The following KIAA1217 variants were observed in gnomAD, a reference collection of about 807,000 sequenced individuals.
The protein encoded by KIAA1217 is KIAA1217, also known as sickle tail protein homolog.
KIAA1217 carries 88 observed loss-of-function variants against 163.9 expected under a neutral mutation model. That is an observed-to-expected ratio of 0.54 (90% CI 0.45 to 0.64). KIAA1217 has a LOEUF of 0.64. Ranked by LOEUF, KIAA1217 falls within the 30% of genes least tolerant of loss-of-function variation. The pLI is 0.00. For synonymous variants in KIAA1217, 903 were observed against 923.1 expected (o/e 0.98, Z 0.39); for missense variants, 2,372 against 2,475.0 (o/e 0.96, Z 0.88).
intron 1 of KIAA1217, among the ~76,000 whole-genome samples, chr10:23,804,159 T>A (rs1238918904): frequency 6.6e-6 from 1 of 151,690 alleles, no homozygotes; most frequent in East Asian, 1.9e-4. Context: ...CAACCAGCAC[T>A]TTTTTTTTCT....
At chr10:24,520,864 A>T (rs1340838157) in intron 11 of KIAA1217, among the ~76,000 whole-genome samples, 1 of 147,358 alleles carries the variant, frequency 6.8e-6, no homozygotes, top group African/African-American at 2.5e-5. Context: ...CAAAAAATAA[A>T]AATAAAAAAC....
chr10:24,407,291 C>T (rs897159492), intron 3 of KIAA1217, among the ~76,000 whole-genome samples: 3 of 149,914 alleles, frequency 2.0e-5, no homozygotes, highest in African/African-American at 4.9e-5. Context: ...TGTGTGCGTG[C>T]GTGTGCGTGC....
At chr10:24,000,797 A>G (rs1846705234) in intron 1 of KIAA1217, among the ~76,000 whole-genome samples, 1 of 152,344 alleles carries the variant, frequency 6.6e-6, no homozygotes, top group South Asian at 2.1e-4. Context: ...CCTTGTCTAC[A>G]AATTGGGGCT....
At chr10:24,370,639 A>G (rs778395405) in intron 2 of KIAA1217, among the ~76,000 whole-genome samples, 4 of 152,178 alleles carry the variant, frequency 2.6e-5, no homozygotes, top group Non-Finnish European at 4.4e-5. Flanking sequence ...GTACAGTGGC[A>G]TGATCACTGC....
At chr10:23,771,428 T>C (rs976662554) in intron 1 of KIAA1217, among the ~76,000 whole-genome samples, 8 of 152,232 alleles carry the variant, frequency 5.3e-5, no homozygotes, top group Admixed American at 2.0e-4. Context: ...ATTATTTTGC[T>C]CTCTCAAAAC....
chr10:24,443,136 C>T (rs974649907), intron 5 of KIAA1217, among the ~76,000 whole-genome samples: 6 of 152,272 alleles, frequency 3.9e-5, no homozygotes, highest in Admixed American at 6.5e-5. Context: ...GTCTCAAACT[C>T]CTGACCTCAG....
chr10:24,233,758 A>G (rs2071782576), intron 2 of KIAA1217, among the ~76,000 whole-genome samples: 1 of 152,364 alleles, frequency 6.6e-6, no homozygotes, highest in Non-Finnish European at 1.5e-5. Context: ...TATTCTATGC[A>G]CATACATACG....
intron 2 of KIAA1217, among the ~76,000 whole-genome samples, chr10:24,062,968 C>A (rs552836236): frequency 3.3e-5 from 5 of 151,882 alleles, no homozygotes; most frequent in Non-Finnish European, 7.4e-5. Context: ...ATATCCTTCG[C>A]CCACTTTTCG....
intron 2 of KIAA1217, among the ~76,000 whole-genome samples, chr10:24,157,426 TC>T (rs1428611811): frequency 6.6e-6 from 1 of 152,204 alleles, no homozygotes; most frequent in Non-Finnish European, 1.5e-5. Flanking sequence ...GCAAAGAACT[TC>T]CCCCAGTCTC....
At chr10:24,092,840 C>CTTTGTA (rs1424578355) in intron 2 of KIAA1217, among the ~76,000 whole-genome samples, 1 of 151,338 alleles carries the variant, frequency 6.6e-6, no homozygotes, top group Non-Finnish European at 1.5e-5. Flanking sequence ...ATAGCCAACT[C>CTTTGTA]TTTGTATTTG....
In KIAA1217 at chr10:24,433,160, G is replaced by T; in HGVS notation, c.719G>T (p.Ser240Ile). The change falls in exon 4 of 21, where the codon AGC becomes ATC. Residue 240 changes from serine to isoleucine, a missense_variant. Ser to Ile is a moderately radical substitution (Grantham distance 142). Coordinates refer to ENST00000376454, the MANE Select transcript of KIAA1217 (RefSeq NM_019590.5). Reference protein sequence around the residue: ...PSVAIYIKDESRNVYYELNDV... With the variant: ...PSVAIYIKDEIRNVYYELNDV... ...GTCGCCATTTACATCAAAGATGAAA[G>T]CAGAAATGTCTATTATGAATTAAAT... 1 of 1,613,952 alleles carries T rather than the reference G, an allele frequency of 6.2e-7. No homozygotes were observed.
chr10:24,111,688 C>T (rs1336647394), intron 2 of KIAA1217, among the ~76,000 whole-genome samples: 3 of 150,446 alleles, frequency 2.0e-5, no homozygotes, highest in African/African-American at 7.4e-5. Flanking sequence ...TGTCTGCAGG[C>T]AGAAAAAAAA....
rs765197267 is a variant in KIAA1217 at position 24,544,139 on chromosome 10, C to T, written c.4869C>T (p.Phe1623=). ...AACAGCACAAAGAAGCCAAGCGCTT[C>T]GAAATCGCTAGGTCTCAACCTGAAG... ...TLKQHKEAKR[F]EIARSQPEDT... The change falls in exon 19 of 21, where the codon TTC becomes TTT. Residue 1623 remains phenylalanine, a synonymous_variant. Transcript: ENST00000376454. 22 of 1,613,926 alleles carry T rather than the reference C, an allele frequency of 1.4e-5. No individual in the cohort carries two copies. The Middle Eastern group carries it at 6.6e-4, about 48-fold the overall frequency.
In KIAA1217 at chr10:24,308,999, T is replaced by C. The variant is rs1041348218; in HGVS notation, c.355-71870T>C. 7.2e-5 allele frequency among the ~76,000 whole-genome samples: 11 copies of C among 151,962 alleles called. No individual in the cohort carries two copies. In the East Asian group the frequency reaches 2.1e-3, roughly 30 times the overall value. ...TTAGCTAGGCATGGTGGCTAATGCCTGTAATCCCAGCTACTTGGGAGGCTG... is the reference window on the plus strand; with the variant it reads ...TTAGCTAGGCATGGTGGCTAATGCCCGTAATCCCAGCTACTTGGGAGGCTG... On this transcript the variant is annotated intron_variant, in intron 2 of 20. Transcript: ENST00000376454.
chr10:23,755,643 A>C (rs1196302831), intron 1 of KIAA1217, among the ~76,000 whole-genome samples: 1 of 152,200 alleles, frequency 6.6e-6, no homozygotes, highest in African/African-American at 2.4e-5. Flanking sequence ...ACAGAACACA[A>C]GCCTAGGGGG....
At chr10:24,048,324 A>G (rs1433925464) in intron 2 of KIAA1217, among the ~76,000 whole-genome samples, 1 of 152,262 alleles carries the variant, frequency 6.6e-6, no homozygotes, top group East Asian at 1.9e-4. Flanking sequence ...TTTGCTTAAG[A>G]ATATTTAATG....
At chr10:24,350,300 G>A (rs544207108) in intron 2 of KIAA1217, among the ~76,000 whole-genome samples, 13 of 152,172 alleles carry the variant, frequency 8.5e-5, no homozygotes, top group African/African-American at 2.9e-4. Flanking sequence ...CTTGTGTATC[G>A]TGTAATTCCA....
rs2077278127 is a variant in KIAA1217, at chr10:24,276,324, C to T, written c.354+56415C>T. On this transcript the variant is annotated intron_variant, in intron 2 of 20. Coordinates refer to ENST00000376454, the MANE Select transcript of KIAA1217 (RefSeq NM_019590.5). ...GTCCTTTGAAAAATGAAAGTCTTTTCAGAAATGCAAAAGACAAAATGACTT... is the reference window on the plus strand; with the variant it reads ...GTCCTTTGAAAAATGAAAGTCTTTTTAGAAATGCAAAAGACAAAATGACTT... 2.0e-5 allele frequency among the ~76,000 whole-genome samples: 3 copies of T among 152,272 alleles called. No individual in the cohort carries two copies. In the East Asian group the frequency reaches 5.8e-4, roughly 29 times the overall value.
chr10:24,542,725 A>G lies in KIAA1217; in HGVS notation c.3567A>G (p.Lys1189=), dbSNP rs185982292. ...NLEFFHEDVR[K]SDVEYENGPQ... ...AATTTTTCCATGAAGATGTACGGAAATCTGATGTTGAATATGAAAATGGCC... is the reference window on the plus strand; with the variant it reads ...AATTTTTCCATGAAGATGTACGGAAGTCTGATGTTGAATATGAAAATGGCC... Residue 1189 remains lysine, a synonymous_variant, in exon 18 of 21, where the codon AAA becomes AAG. Transcript: ENST00000376454. 1 of 1,614,222 alleles carries G rather than the reference A, an allele frequency of 6.2e-7. No individual in the cohort carries two copies. The highest frequency in any genetic ancestry group is 2.2e-5 in the East Asian group (1 of 44,884).
Sources: gnomAD v4.1 joint callset for allele counts (sites outside exome capture counted in the v4.1 genomes callset) on GRCh38, gnomAD v4.1.1 for gene constraint, MANE v1.5 for transcripts, NCBI Gene and HGNC (gene_info 2026-07-23, HGNC 2026-07-21) for gene names.